Variants in SEZ6L observed in about 807,000 individuals in gnomAD.
SEZ6L encodes the protein seizure related 6 homolog like.
SEZ6L carries 37 observed loss-of-function variants against 106.2 expected under a neutral mutation model. The observed-to-expected ratio is 0.35, with a 90% CI of 0.27 to 0.46. The LOEUF (loss-of-function observed/expected upper bound fraction) is 0.46, where lower values mean the gene tolerates loss of function less well. SEZ6L is among the 20% of genes least tolerant of loss of function. The pLI is 1.00. For missense variants in SEZ6L, 1,172 were observed against 1,332.8 expected (o/e 0.88, Z 1.88); for synonymous variants, 541 against 570.4 (o/e 0.95, Z 0.73).
At chr22:26,269,488 CGTTGTTTG>C (rs1569432954) in intron 1 of SEZ6L, among the ~76,000 whole-genome samples, 2,144 of 152,270 alleles carry the variant, frequency 0.014, 59 homozygotes, top group African/African-American at 0.049. Flanking sequence ...ACCCTAACCT[CGTTGTTTG>C]CTGATCTGAG....
intron 9 of SEZ6L, among the ~76,000 whole-genome samples, chr22:26,328,332 C>T (rs2082383173): frequency 1.3e-5 from 2 of 152,140 alleles, no homozygotes; most frequent in African/African-American, 4.8e-5. Context: ...AGGAAAAATG[C>T]TCTTGTAGTG....
chr22:26,361,645 A>G (rs1200995152), intron 12 of SEZ6L, among the ~76,000 whole-genome samples: 1 of 152,126 alleles, frequency 6.6e-6, no homozygotes, highest in Non-Finnish European at 1.5e-5. Flanking sequence ...TGCCCATCTC[A>G]TGTGCGTGAG....
At chr22:26,355,351 G>A (rs2083407577) in intron 12 of SEZ6L, among the ~76,000 whole-genome samples, 1 of 152,236 alleles carries the variant, frequency 6.6e-6, no homozygotes, top group African/African-American at 2.4e-5. Flanking sequence ...TCACTCTGCA[G>A]TTCAGCTTTT....
chr22:26,246,489 C>T (rs2079350341), intron 1 of SEZ6L, among the ~76,000 whole-genome samples: 1 of 152,002 alleles, frequency 6.6e-6, no homozygotes, highest in African/African-American at 2.4e-5. Context: ...CCAACTCTCT[C>T]ATATTCGTCT....
At chr22:26,357,617 A>T (rs1178457325) in intron 12 of SEZ6L, among the ~76,000 whole-genome samples, 1 of 152,240 alleles carries the variant, frequency 6.6e-6, no homozygotes, top group Non-Finnish European at 1.5e-5. Flanking sequence ...TCCCTAGAGT[A>T]AGAAAGAGAA....
chr22:26,314,047 T>G (rs986171276), intron 9 of SEZ6L, 145 bp downstream of exon 9: 39 of 680,722 alleles, frequency 5.7e-5, no homozygotes, highest in Non-Finnish European at 7.6e-5. Context: ...ATTCCCATAG[T>G]GAGACCAAGA....
intron 10 of SEZ6L, among the ~76,000 whole-genome samples, chr22:26,342,618 C>T (rs1425219310): frequency 1.3e-5 from 2 of 152,026 alleles, no homozygotes; most frequent in African/African-American, 2.4e-5. Flanking sequence ...ATTGCTTGAG[C>T]CCAGGAAGCA....
intron 13 of SEZ6L, among the ~76,000 whole-genome samples, chr22:26,369,555 T>C (rs954900323): frequency 1.1e-4 from 16 of 151,672 alleles, no homozygotes; most frequent in African/African-American, 3.9e-4. Flanking sequence ...TTAGCCAGGA[T>C]GGTCTCGATC....
intron 1 of SEZ6L, among the ~76,000 whole-genome samples, chr22:26,172,511 C>T (rs967934920): frequency 3.9e-5 from 6 of 152,158 alleles, no homozygotes; most frequent in African/African-American, 9.7e-5. Flanking sequence ...CAAATGAGCT[C>T]GATTTACTGG....
intron 12 of SEZ6L, among the ~76,000 whole-genome samples, chr22:26,355,899 T>C (rs539538509): frequency 1.3e-5 from 2 of 152,266 alleles, no homozygotes; most frequent in Admixed American, 1.3e-4. Context: ...AACAGACAGG[T>C]CAGGCAGAGA....
chr22:26,337,216 T>C (rs904689297), intron 9 of SEZ6L, among the ~76,000 whole-genome samples: 5 of 152,230 alleles, frequency 3.3e-5, no homozygotes, highest in Non-Finnish European at 7.3e-5. Flanking sequence ...GCTTTCTGAT[T>C]TCCAAGCCAG....
intron 9 of SEZ6L, among the ~76,000 whole-genome samples, chr22:26,330,869 CATTTAA>C (rs1475032668): frequency 6.6e-6 from 1 of 152,098 alleles, no homozygotes; most frequent in African/African-American, 2.4e-5. Flanking sequence ...TTCTAATTTG[CATTTAA>C]AGAAATGCAT....
At chr22:26,357,096 T>G (rs537462670) in intron 12 of SEZ6L, among the ~76,000 whole-genome samples, 46 of 152,020 alleles carry the variant, frequency 3.0e-4, no homozygotes, top group Admixed American at 2.5e-3. Context: ...GGACTACAGG[T>G]GCCCGCCACC....
intron 1 of SEZ6L, among the ~76,000 whole-genome samples, chr22:26,240,149 A>G (rs1334765066): frequency 6.6e-6 from 1 of 152,104 alleles, no homozygotes; most frequent in African/African-American, 2.4e-5. Context: ...GGCTGGGCAC[A>G]TAGAGGATGC....
At chr22:26,332,633 G>A (rs949613471) in intron 9 of SEZ6L, among the ~76,000 whole-genome samples, 1 of 151,778 alleles carries the variant, frequency 6.6e-6, no homozygotes, top group African/African-American at 2.4e-5. Flanking sequence ...TTTTTATAGA[G>A]ATGGGGGTTT....
chr22:26,231,674 A>G (rs1263021095), intron 1 of SEZ6L, among the ~76,000 whole-genome samples: 1 of 152,158 alleles, frequency 6.6e-6, no homozygotes, highest in Non-Finnish European at 1.5e-5. Flanking sequence ...TCTCTGTGTC[A>G]AGGCCCAGGA....
chr22:26,350,784 G>C (rs59186095), intron 11 of SEZ6L, among the ~76,000 whole-genome samples: 3,104 of 151,796 alleles, frequency 0.02, 120 homozygotes, highest in African/African-American at 0.071. Context: ...AGCCTCCCGA[G>C]TAGCTGGGAG....
chr22:26,282,442 T>A (rs1469646411), intron 1 of SEZ6L, among the ~76,000 whole-genome samples: 1 of 152,242 alleles, frequency 6.6e-6, no homozygotes, highest in Non-Finnish European at 1.5e-5. Context: ...AAGCCTCTTT[T>A]GTTCTCAGGC....
chr22:26,338,746 C>T lies in SEZ6L; in HGVS notation c.2016-1690C>T, dbSNP rs189831808. On this transcript the variant is annotated intron_variant, in intron 9 of 16. Transcript: ENST00000248933. The stretch of plus-strand genomic sequence containing the variant: ...AGCTAATTTCTTTTTTTAGTAGAGA[C>T]GGGGTTTCACCATGTTGGCCAGAAT... Among the ~76,000 whole-genome samples, 241 of 151,842 alleles carry T rather than the reference C, an allele frequency of 1.6e-3. 4 individuals carry two copies. The highest frequency in any genetic ancestry group is 5.3e-3 in the Admixed American group (80 of 15,238).
Sources: allele counts gnomAD v4.1 joint callset (sites outside exome capture counted in the v4.1 genomes callset), GRCh38; gene constraint gnomAD v4.1.1; transcripts MANE v1.5; gene names NCBI Gene and HGNC (gene_info 2026-07-23, HGNC 2026-07-21).